The following LPP variants were observed in gnomAD, a reference collection of about 807,000 sequenced individuals.
LPP encodes lipoma-preferred partner.
LPP carries 38 observed loss-of-function variants against 60.4 expected under a neutral mutation model. The observed-to-expected ratio is 0.63, with a 90% confidence interval of 0.49 to 0.83. The LOEUF is 0.83. Ranked by LOEUF, LPP falls within the 40% of genes least tolerant of loss-of-function variation. The pLI is 0.00. For synonymous variants in LPP, 328 were observed against 290.8 expected (o/e 1.13, Z -1.30); for missense variants, 902 against 783.6 (o/e 1.15, Z -1.80).
intron 2 of LPP, among the ~76,000 whole-genome samples, chr3:188,324,047 G>A (rs115095705): frequency 6.6e-5 from 10 of 152,136 alleles, no homozygotes; most frequent in East Asian, 5.8e-4. Context: ...TGTTGTTGTC[G>A]TTATTATCTA....
chr3:188,490,977 G>A (rs2149747107), intron 5 of LPP, among the ~76,000 whole-genome samples: 1 of 151,930 alleles, frequency 6.6e-6, no homozygotes, highest in Admixed American at 6.5e-5. Flanking sequence ...TAGCCAGGAT[G>A]GTCTCGATCT....
chr3:188,683,211 G>A (rs147866273), intron 7 of LPP, among the ~76,000 whole-genome samples: 1 of 152,026 alleles, frequency 6.6e-6, no homozygotes, highest in Non-Finnish European at 1.5e-5. Context: ...CAAGCATAAT[G>A]AGGTAAAGGG....
chr3:188,224,470 A>G (rs1277535504), intron 1 of LPP, among the ~76,000 whole-genome samples: 1 of 152,206 alleles, frequency 6.6e-6, no homozygotes, highest in Admixed American at 6.5e-5. Context: ...CAAAACAATA[A>G]TAGTTGCTAA....
At chr3:188,755,809 C>CAAAAAAAAAAAAAAAAAA (rs58696911) in intron 8 of LPP, among the ~76,000 whole-genome samples, 3 of 73,986 alleles carry the variant, frequency 4.1e-5, no homozygotes, top group Non-Finnish European at 2.7e-5. Context: ...GATCCTGTCA[C>CAAAAAAAAAAAAAAAAAA]AAAAAAAAAA....
intron 3 of LPP, among the ~76,000 whole-genome samples, chr3:188,379,750 A>G (rs563496260): frequency 1.4e-4 from 22 of 152,298 alleles, no homozygotes; most frequent in South Asian, 8.3e-4. Context: ...AGATTCATCT[A>G]TGTTGCAGCA....
chr3:188,765,818 A>G (rs1350910134), intron 9 of LPP, among the ~76,000 whole-genome samples: 2 of 148,262 alleles, frequency 1.3e-5, no homozygotes, highest in African/African-American at 5.0e-5. Context: ...CTAGGACTAC[A>G]GGCTTGCACC....
chr3:188,263,805 G>A (rs1280402754), intron 2 of LPP, among the ~76,000 whole-genome samples: 2 of 152,194 alleles, frequency 1.3e-5, no homozygotes, highest in Non-Finnish European at 2.9e-5. Flanking sequence ...ATTGCTGGGA[G>A]CGTCCTCTCA....
chr3:188,562,680 C>A (rs186906830), intron 6 of LPP, among the ~76,000 whole-genome samples: 1 of 152,102 alleles, frequency 6.6e-6, no homozygotes, highest in East Asian at 1.9e-4. Context: ...TTCCTTTTCT[C>A]TCCCCTTCAT....
chr3:188,566,427 T>C (rs1405976771), intron 6 of LPP, among the ~76,000 whole-genome samples: 1 of 151,952 alleles, frequency 6.6e-6, no homozygotes, highest in Admixed American at 6.6e-5. Context: ...CTTTATTAGT[T>C]AGCTCTCATT....
chr3:188,462,604 GT>G (rs1799383882), intron 4 of LPP, among the ~76,000 whole-genome samples: 1 of 122,414 alleles, frequency 8.2e-6, no homozygotes, highest in Non-Finnish European at 1.8e-5. Flanking sequence ...GTGTGTGTGT[GT>G]GTGTGTGTGT....
rs1560666580 is a variant in LPP, at chr3:188,627,397, TC to T, written c.1113+17556del. Among the ~76,000 whole-genome samples, 3 of 152,106 alleles carry T rather than the reference TC, an allele frequency of 2.0e-5. No homozygotes were observed. The East Asian group carries it at 5.8e-4, about 29-fold the overall frequency. On this transcript the variant is annotated intron_variant, in intron 7 of 11. Coordinates refer to ENST00000617246, the MANE Select transcript of LPP (RefSeq NM_001375462.1). ...CCCAACTCTATGCTGTTTTCCAGAG[TC>T]CCATCTCACATGCAGTGACACCTTT... is the stretch of plus-strand genomic sequence containing the variant.
chr3:188,415,012 A>G (rs1329213841), intron 4 of LPP, among the ~76,000 whole-genome samples: 1 of 152,178 alleles, frequency 6.6e-6, no homozygotes, highest in African/African-American at 2.4e-5. Flanking sequence ...GTAACTTGTC[A>G]GCTTAATTAA....
intron 6 of LPP, among the ~76,000 whole-genome samples, chr3:188,579,315 G>A (rs1835495442): frequency 6.6e-6 from 1 of 152,090 alleles, no homozygotes; most frequent in Non-Finnish European, 1.5e-5. Context: ...GAAGAACACT[G>A]GGAAAAAAGG....
At chr3:188,377,814 G>GT (rs1390759055) in intron 3 of LPP, among the ~76,000 whole-genome samples, 1 of 152,006 alleles carries the variant, frequency 6.6e-6, no homozygotes, top group African/African-American at 2.4e-5. Flanking sequence ...TTTCTGCTCT[G>GT]TTTTTTTCCC....
intron 9 of LPP, among the ~76,000 whole-genome samples, chr3:188,773,907 C>T (rs1481902272): frequency 2.0e-5 from 3 of 152,156 alleles, no homozygotes. Flanking sequence ...GAGGAAGAGA[C>T]CTGTCCCAAT....
intron 9 of LPP, among the ~76,000 whole-genome samples, chr3:188,841,543 C>A (rs151018998): frequency 1.3e-5 from 2 of 152,060 alleles, no homozygotes; most frequent in African/African-American, 4.8e-5. Flanking sequence ...AGGTGTGCAA[C>A]ACCACGCCCA....
chr3:188,735,389 A>AT (rs1266634572), intron 8 of LPP, among the ~76,000 whole-genome samples: 4 of 140,820 alleles, frequency 2.8e-5, no homozygotes, highest in African/African-American at 1.0e-4. Flanking sequence ...TATTATTATT[A>AT]TTATTTTTTG....
chr3:188,531,164 G>A (rs962907908), intron 6 of LPP, among the ~76,000 whole-genome samples: 2 of 152,096 alleles, frequency 1.3e-5, no homozygotes, highest in African/African-American at 2.4e-5. Flanking sequence ...GAATCAAGTT[G>A]CTTTTGAATT....
At chr3:188,583,167 A>G (rs1369492536) in intron 6 of LPP, among the ~76,000 whole-genome samples, 1 of 152,260 alleles carries the variant, frequency 6.6e-6, no homozygotes, top group African/African-American at 2.4e-5. Flanking sequence ...CTTGGACAAA[A>G]TAACCTTTTT....
Sources: gnomAD v4.1 joint callset for allele counts (sites outside exome capture counted in the v4.1 genomes callset) on GRCh38, gnomAD v4.1.1 for gene constraint, MANE v1.5 for transcripts, NCBI Gene and HGNC (gene_info 2026-07-23, HGNC 2026-07-21) for gene names.